Variants in FHIT observed in about 807,000 individuals in gnomAD.
The protein encoded by FHIT is bis(5'-adenosyl)-triphosphatase.
Under a neutral mutation model 17.9 loss-of-function variants are expected in FHIT, and 19 were observed. The ratio of observed to expected loss-of-function variants is 1.06; its 90% confidence interval spans 0.74 to 1.56. FHIT has a LOEUF of 1.56. Among genes scored for constraint, FHIT ranks in the 40% most tolerant of loss-of-function variants. The pLI, the probability that FHIT is intolerant of heterozygous loss-of-function variation, is 0.00. For missense variants in FHIT, 248 were observed against 189.2 expected (o/e 1.31, Z -1.82); for synonymous variants, 81 against 69.7 (o/e 1.16, Z -0.81).
intron 5 of FHIT, among the ~76,000 whole-genome samples, chr3:60,474,665 C>G (rs913190749): frequency 2.5e-4 from 38 of 151,764 alleles, no homozygotes; most frequent in African/African-American, 8.5e-4. Context: ...CTCTTATCAC[C>G]CAGGCTGGAG....
chr3:60,937,961 G>A (rs1275768649), intron 3 of FHIT, among the ~76,000 whole-genome samples: 1 of 152,110 alleles, frequency 6.6e-6, no homozygotes, highest in Non-Finnish European at 1.5e-5. Flanking sequence ...GCTGGAACAA[G>A]GGGGTCCCAG....
chr3:59,894,021 C>A (rs1338708887), intron 8 of FHIT, among the ~76,000 whole-genome samples: 1 of 152,166 alleles, frequency 6.6e-6, no homozygotes, highest in Non-Finnish European at 1.5e-5. Flanking sequence ...AATACCAGCA[C>A]TTTGGGCGGC....
chr3:60,735,023 A>C (rs1282021751), intron 4 of FHIT, among the ~76,000 whole-genome samples: 1 of 152,236 alleles, frequency 6.6e-6, no homozygotes, highest in African/African-American at 2.4e-5. Flanking sequence ...CAAGAATTAC[A>C]ATGAAAAGCC....
At chr3:60,205,130 G>C (rs71313750) in intron 5 of FHIT, among the ~76,000 whole-genome samples, 15,279 of 151,680 alleles carry the variant, frequency 0.1, 1,064 homozygotes, top group East Asian at 0.27. Context: ...TTTTTGTACA[G>C]TGATAAGACA....
chr3:60,841,853 T>C (rs1428301993), intron 3 of FHIT, among the ~76,000 whole-genome samples: 1 of 152,148 alleles, frequency 6.6e-6, no homozygotes, highest in African/African-American at 2.4e-5. Flanking sequence ...CTGAGAAGGC[T>C]ACTAAATATT....
intron 5 of FHIT, among the ~76,000 whole-genome samples, chr3:60,426,295 A>G (rs2611415): frequency 0.96 from 146,012 of 152,164 alleles, 70,339 homozygotes; most frequent in East Asian, 1. Context: ...TTAAATGGGC[A>G]AAATACAATT....
intron 5 of FHIT, among the ~76,000 whole-genome samples, chr3:60,124,053 GAGAC>G (rs1476805857): frequency 1.2e-3 from 148 of 119,442 alleles, no homozygotes; most frequent in South Asian, 2.9e-3. Flanking sequence ...GAGAGAGAGA[GAGAC>G]AGAGAGAGAG....
At chr3:60,561,653 T>A (rs1196795322) in intron 4 of FHIT, among the ~76,000 whole-genome samples, 1 of 152,154 alleles carries the variant, frequency 6.6e-6, no homozygotes, top group African/African-American at 2.4e-5. Flanking sequence ...AGCTTTGTAG[T>A]TCTGACACCA....
intron 4 of FHIT, among the ~76,000 whole-genome samples, chr3:60,639,113 A>G (rs571739466): frequency 2.0e-4 from 30 of 149,650 alleles, no homozygotes; most frequent in African/African-American, 6.9e-4. Context: ...GGTGAGCTCT[A>G]TAGTTAAAGC....
chr3:60,791,115 T>C (rs1553728364), intron 4 of FHIT, among the ~76,000 whole-genome samples: 1 of 151,894 alleles, frequency 6.6e-6, no homozygotes, highest in African/African-American at 2.4e-5. Flanking sequence ...TTTGGGAAAA[T>C]AGAGTAGGAG....
At chr3:59,905,466 C>T (rs1289738682) in intron 8 of FHIT, among the ~76,000 whole-genome samples, 2 of 152,140 alleles carry the variant, frequency 1.3e-5, no homozygotes, top group East Asian at 3.8e-4. Flanking sequence ...CCCTTGAATT[C>T]GTATGTCTGT....
At chr3:60,924,376 CA>C (rs1485866847) in intron 3 of FHIT, among the ~76,000 whole-genome samples, 2 of 152,152 alleles carry the variant, frequency 1.3e-5, no homozygotes, top group Admixed American at 6.5e-5. Context: ...GAGGAACAAT[CA>C]GTCAGGAACA....
intron 3 of FHIT, among the ~76,000 whole-genome samples, chr3:60,860,140 TAC>T (rs1703590859): frequency 1.4e-5 from 1 of 72,042 alleles, no homozygotes; most frequent in Non-Finnish European, 2.8e-5. Context: ...CTGATATATA[TAC>T]ATATGGTATA....
At chr3:60,503,663 G>A (rs1040505257) in intron 5 of FHIT, among the ~76,000 whole-genome samples, 4 of 152,080 alleles carry the variant, frequency 2.6e-5, no homozygotes, top group Non-Finnish European at 5.9e-5. Flanking sequence ...TGAAACCACT[G>A]AAAATGAAGT....
At chr3:60,266,887 C>G (rs1029791625) in intron 5 of FHIT, among the ~76,000 whole-genome samples, 1 of 151,936 alleles carries the variant, frequency 6.6e-6, no homozygotes, top group East Asian at 1.9e-4. Context: ...TTTACAAAAC[C>G]AAGCAAATTA....
chr3:60,440,345 T>C (rs989579666), intron 5 of FHIT, among the ~76,000 whole-genome samples: 15 of 152,120 alleles, frequency 9.9e-5, no homozygotes, highest in African/African-American at 3.6e-4. Context: ...CCCGTCTCTA[T>C]CTGGAAGATG....
intron 4 of FHIT, among the ~76,000 whole-genome samples, chr3:60,734,646 T>C (rs1444485853): frequency 6.6e-6 from 1 of 152,002 alleles, no homozygotes; most frequent in Non-Finnish European, 1.5e-5. Context: ...ATTACAGGGG[T>C]GAGCCATCCC....
intron 5 of FHIT, among the ~76,000 whole-genome samples, chr3:60,393,403 T>C (rs1486592496): frequency 6.7e-6 from 1 of 149,662 alleles, no homozygotes. Flanking sequence ...TTATTTATAA[T>C]GTTACATATA....
chr3:61,184,530 C>T (rs61620217), intron 2 of FHIT, among the ~76,000 whole-genome samples: 22 of 152,152 alleles, frequency 1.4e-4, no homozygotes, highest in African/African-American at 4.1e-4. Flanking sequence ...ACAGCTTCTG[C>T]GGATGTCTGT....
Sources: allele counts gnomAD v4.1 joint callset (sites outside exome capture counted in the v4.1 genomes callset), GRCh38; gene constraint gnomAD v4.1.1; transcripts MANE v1.5; gene names NCBI Gene and HGNC (gene_info 2026-07-23, HGNC 2026-07-21).